RAB3C: variants seen among roughly 807,000 people sequenced by gnomAD.
RAB3C encodes ras-related protein Rab-3C.
Under a neutral mutation model 26.4 loss-of-function variants are expected in RAB3C, and 17 were observed. The ratio of observed to expected loss-of-function variants is 0.64; its 90% CI spans 0.44 to 0.97. The LOEUF (loss-of-function observed/expected upper bound fraction) is 0.97. Ranked by LOEUF, RAB3C falls within the 50% of genes least tolerant of loss-of-function variation. The pLI is 0.00. For synonymous variants in RAB3C, 91 were observed against 95.9 expected (o/e 0.95, Z 0.30); for missense variants, 242 against 281.9 (o/e 0.86, Z 1.01).
chr5:58,730,352 C>A (rs923737404), intron 3 of RAB3C, among the ~76,000 whole-genome samples: 1 of 151,568 alleles, frequency 6.6e-6, no homozygotes, highest in East Asian at 1.9e-4. Flanking sequence ...AGAAAAAAGC[C>A]CTTTGGGGAA....
chr5:58,679,017 G>A (rs960042312), intron 2 of RAB3C, among the ~76,000 whole-genome samples: 1 of 152,148 alleles, frequency 6.6e-6, no homozygotes, highest in Non-Finnish European at 1.5e-5. Context: ...ACTGTAAGCT[G>A]GTTGTATTTG....
intron 3 of RAB3C, among the ~76,000 whole-genome samples, chr5:58,763,020 G>A (rs1741829880): frequency 6.6e-6 from 1 of 152,186 alleles, no homozygotes; most frequent in Non-Finnish European, 1.5e-5. Context: ...GCAATGTTGA[G>A]ATGAATTCCA....
At chr5:58,731,515 T>C (rs1212606135) in intron 3 of RAB3C, among the ~76,000 whole-genome samples, 1 of 152,088 alleles carries the variant, frequency 6.6e-6, no homozygotes, top group Non-Finnish European at 1.5e-5. Flanking sequence ...AGAAAAAGCT[T>C]TATGTGCTAA....
At chr5:58,729,850 C>CATATAGTATATGTATATTTATATTAT in intron 3 of RAB3C, among the ~76,000 whole-genome samples, 3 of 143,920 alleles carry the variant, frequency 2.1e-5, no homozygotes, top group African/African-American at 7.6e-5. Context: ...TACACATATA[C>CATATAGTATATGTATATTTATATTAT]ATATACTATA....
chr5:58,774,154 G>C (rs538203681), intron 3 of RAB3C, among the ~76,000 whole-genome samples: 1 of 152,104 alleles, frequency 6.6e-6, no homozygotes, highest in African/African-American at 2.4e-5. Flanking sequence ...ATGTTGAAAT[G>C]GATCAATGAA....
intron 2 of RAB3C, among the ~76,000 whole-genome samples, chr5:58,635,055 A>C (rs535370902): frequency 6.6e-6 from 1 of 152,312 alleles, no homozygotes; most frequent in South Asian, 2.1e-4. Flanking sequence ...AGTAAGGTTG[A>C]TGTTTGATGT....
At chr5:58,677,976 T>TTGTGTGTG (rs70973149) in intron 2 of RAB3C, among the ~76,000 whole-genome samples, 4,681 of 147,836 alleles carry the variant, frequency 0.032, 105 homozygotes, top group African/African-American at 0.064. Flanking sequence ...CTAGATTATT[T>TTGTGTGTG]TGTGTGTGTG....
At chr5:58,720,597 C>T (rs938485447) in intron 2 of RAB3C, among the ~76,000 whole-genome samples, 1 of 151,774 alleles carries the variant, frequency 6.6e-6, no homozygotes, top group African/African-American at 2.4e-5. Flanking sequence ...ACACTGTTCC[C>T]AGCCCCCATT....
chr5:58,667,085 T>G (rs984170223), intron 2 of RAB3C, among the ~76,000 whole-genome samples: 1 of 152,188 alleles, frequency 6.6e-6, no homozygotes, highest in Non-Finnish European at 1.5e-5. Context: ...TTTCCCAATG[T>G]CTTTTCACCC....
chr5:58,637,395 A>T (rs888583738), intron 2 of RAB3C, among the ~76,000 whole-genome samples: 3 of 152,108 alleles, frequency 2.0e-5, no homozygotes, highest in Admixed American at 6.6e-5. Flanking sequence ...GATATTCATT[A>T]TCCGGATATA....
At chr5:58,803,456 CTATACT>C (rs960904688) in intron 3 of RAB3C, among the ~76,000 whole-genome samples, 1 of 152,162 alleles carries the variant, frequency 6.6e-6, no homozygotes, top group African/African-American at 2.4e-5. Flanking sequence ...AAACTTACAA[CTATACT>C]TATACTGCTC....
chr5:58,762,585 T>C (rs1741819940), intron 3 of RAB3C, among the ~76,000 whole-genome samples: 1 of 152,020 alleles, frequency 6.6e-6, no homozygotes, highest in Non-Finnish European at 1.5e-5. Context: ...CCCAGCTACT[T>C]GGGAAGCTGA....
Position 58,643,839 on chromosome 5 carries a change from T to G in RAB3C, c.252+25969T>G, listed in dbSNP as rs967725622. ...CTGTTTTAGTTTTAGTTTTTGTTTT[T>G]GAGATGGAGTCTCGCTCTGTTGCCC... On this transcript the variant is annotated intron_variant, in intron 2 of 4. Coordinates refer to ENST00000282878, the MANE Select transcript of RAB3C (RefSeq NM_138453.4). Among the ~76,000 whole-genome samples the G allele has an allele frequency of 6.6e-5, 10 of 152,342 alleles. No homozygotes were observed. The South Asian group carries it at 8.3e-4, about 13-fold the overall frequency.
rs1554048943 is a variant in RAB3C at position 58,710,599 on chromosome 5, AAAATAAATAAATAAAT to A, written c.253-15373_253-15358del. Among the ~76,000 whole-genome samples, 148 of 135,624 alleles carry A rather than the reference AAAATAAATAAATAAAT, an allele frequency of 1.1e-3. No individual in the cohort carries two copies. In the South Asian group the frequency reaches 0.029, roughly 27 times the overall value. The allele number at this position is 135,624 out of a possible 152,430, so 89.0% of individuals were successfully genotyped here. A position where few individuals can be genotyped will look rare whatever the true frequency, so the allele number is the denominator to read the frequency against. ...GGGCAAAAGAGCAAGACTCTGTCTC[AAAATAAATAAATAAAT>A]AAATAAATAAATAAATAAATAAATA... On this transcript the variant is annotated intron_variant, in intron 2 of 4. Coordinates refer to ENST00000282878, the MANE Select transcript of RAB3C (RefSeq NM_138453.4).
rs377427993 is a variant in RAB3C at position 58,795,073 on chromosome 5, G to A, written c.372-29965G>A. Among the ~76,000 whole-genome samples the A allele has an allele frequency of 7.2e-5, 11 of 152,264 alleles. No homozygotes were observed. The South Asian group carries it at 1.0e-3, about 14-fold the overall frequency. Reference sequence around the variant, plus strand: ...TGGGAGGTATTTGAACCATGGGGGCGGGTTTTTCCCATGCTATTCTCAGGA... The same window carrying A: ...TGGGAGGTATTTGAACCATGGGGGCAGGTTTTTCCCATGCTATTCTCAGGA... On this transcript the variant is annotated intron_variant, in intron 3 of 4. Transcript: ENST00000282878.
chr5:58,761,305 T>C (rs1408141305), intron 3 of RAB3C, among the ~76,000 whole-genome samples: 2 of 152,246 alleles, frequency 1.3e-5, no homozygotes, highest in Non-Finnish European at 1.5e-5. Flanking sequence ...TAAATTCATC[T>C]TCTATTAATG....
At chr5:58,653,006 TACAAGTGC>T (rs1747691350) in intron 2 of RAB3C, among the ~76,000 whole-genome samples, 1 of 152,190 alleles carries the variant, frequency 6.6e-6, no homozygotes. Context: ...ACTTCTAGGA[TACAAGTGC>T]AGAATGTGCA....
chr5:58,602,049 C>T (rs568422627), intron 1 of RAB3C, among the ~76,000 whole-genome samples: 2 of 152,002 alleles, frequency 1.3e-5, no homozygotes, highest in East Asian at 3.9e-4. Flanking sequence ...TAGGTTGTGT[C>T]ATTATTGTCA....
chr5:58,746,477 G>A (rs975361732), intron 3 of RAB3C, among the ~76,000 whole-genome samples: 1 of 152,178 alleles, frequency 6.6e-6, no homozygotes, highest in Non-Finnish European at 1.5e-5. Context: ...CACACACGTA[G>A]CCATCCTTAT....
Sources: gnomAD v4.1 joint callset for allele counts (sites outside exome capture counted in the v4.1 genomes callset) on GRCh38, gnomAD v4.1.1 for gene constraint, MANE v1.5 for transcripts, NCBI Gene and HGNC (gene_info 2026-07-23, HGNC 2026-07-21) for gene names.